ZNF431: variants seen among roughly 807,000 people sequenced by gnomAD.
The protein encoded by ZNF431 is zinc finger protein 431.
Under a neutral mutation model 57.0 loss-of-function variants are expected in ZNF431, and 34 were observed. The ratio of observed to expected loss-of-function variants is 0.60; its 90% CI spans 0.45 to 0.79. The LOEUF (loss-of-function observed/expected upper bound fraction) is 0.79. Ranked by LOEUF, ZNF431 falls within the 30% of genes least tolerant of loss-of-function variation. ZNF431 has a pLI of 0.00. For synonymous variants in ZNF431, 207 were observed against 220.3 expected, an observed-to-expected ratio of 0.94 and a Z score of 0.54; for missense variants, 607 against 667.1, an observed-to-expected ratio of 0.91 and a Z score of 0.99.
Position 21,142,100 on chromosome 19 carries a change from A to C in ZNF431, c.-84A>C. 1.9e-6 allele frequency: 3 copies of C among 1,577,226 alleles called. No homozygotes were observed. Among genetic ancestry groups the C allele is most frequent in the Non-Finnish European group, 2.6e-6 (3 of 1,149,022 alleles). On this transcript the variant is annotated 5_prime_UTR_variant, in exon 1 of 5. Coordinates refer to ENST00000311048, the MANE Select transcript of ZNF431 (RefSeq NM_133473.4). ...TCGCTGCTCTGTGTCCTCTGCTCCT[A>C]GAGGCCCAACATCTGTGGCCCTGTG...
At chr19:21,150,124 C>A in intron 2 of ZNF431, 1 of 634,704 alleles carries the variant, frequency 1.6e-6, no homozygotes, top group Admixed American at 2.0e-5. Context: ...TCTCCTCTTG[C>A]TTTGTCTCTG....
rs1971393156 is a variant in ZNF431, at chr19:21,187,191, AAG to A, written c.*3161_*3162del. 1 of 152,132 alleles carries A rather than the reference AAG, an allele frequency of 6.6e-6. No homozygotes were observed. Among genetic ancestry groups the A allele is most frequent in the Admixed American group, 6.5e-5 (1 of 15,276 alleles). The allele number at this position is 152,132 out of a possible 1,614,324, so 9.4% of individuals were successfully genotyped here. ...GTAAAACTGAATCTTGTTGAATTTA[AAG>A]AGAAATTCTGGCAGAGGCAGATGAA... On this transcript the variant is annotated 3_prime_UTR_variant, in exon 5 of 5. Coordinates refer to ENST00000311048, the MANE Select transcript of ZNF431 (RefSeq NM_133473.4).
chr19:21,175,741 C>T (rs980793694), intron 4 of ZNF431, among the ~76,000 whole-genome samples: 1 of 152,184 alleles, frequency 6.6e-6, no homozygotes, highest in Admixed American at 6.5e-5. Flanking sequence ...TCTGTCTTTG[C>T]AAAGTACATA....
intron 4 of ZNF431, among the ~76,000 whole-genome samples, chr19:21,176,736 C>T (rs183948955): frequency 6.6e-6 from 1 of 152,062 alleles, no homozygotes; most frequent in Admixed American, 6.5e-5. Context: ...CCTGCTCTGT[C>T]ACCCAGGCTG....
chr19:21,158,744 T>C (rs1370574607), intron 2 of ZNF431, among the ~76,000 whole-genome samples: 2 of 152,214 alleles, frequency 1.3e-5, no homozygotes, highest in African/African-American at 4.8e-5. Context: ...GTTTTGAAGA[T>C]ATAGAATCTT....
chr19:21,150,048 G>A, intron 2 of ZNF431: 1 of 609,330 alleles, frequency 1.6e-6, no homozygotes, highest in Non-Finnish European at 3.1e-6. Flanking sequence ...AGGACACGTG[G>A]TCTCTTAATA....
chr19:21,164,757 C>T (rs1970671591), intron 2 of ZNF431, among the ~76,000 whole-genome samples: 1 of 151,898 alleles, frequency 6.6e-6, no homozygotes, highest in Non-Finnish European at 1.5e-5. Context: ...TTTTTCCTCC[C>T]CAGTGAGTTT....
At chr19:21,165,092 C>CAAA (rs58552017) in intron 2 of ZNF431, among the ~76,000 whole-genome samples, 2 of 132,922 alleles carry the variant, frequency 1.5e-5, no homozygotes, top group African/African-American at 5.6e-5. Context: ...CTGGGCAACT[C>CAAA]AAAAAAAAAA....
At chr19:21,148,422 G>A (rs6511202) in intron 2 of ZNF431, among the ~76,000 whole-genome samples, 117,639 of 152,144 alleles carry the variant, frequency 0.77, 45,901 homozygotes, top group Middle Eastern at 0.87. Flanking sequence ...TTTAAGAGAA[G>A]TCTGTCATTT....
chr19:21,178,194 G>T (rs1259619486), intron 4 of ZNF431, among the ~76,000 whole-genome samples: 4 of 152,178 alleles, frequency 2.6e-5, no homozygotes, highest in African/African-American at 9.7e-5. Flanking sequence ...TGCTGAAGCT[G>T]CTTATTAGAT....
In ZNF431 at chr19:21,194,554, C is replaced by T. The variant is rs188193392; in HGVS notation, c.*10520C>T. 1 of 151,778 alleles carries T rather than the reference C, an allele frequency of 6.6e-6. No individual in the cohort carries two copies. Among genetic ancestry groups the T allele is most frequent in the East Asian group, 1.9e-4 (1 of 5,172 alleles). 9.4% of individuals were successfully genotyped at this position (151,778 alleles called of 1,614,324 possible). A position where few individuals can be genotyped will look rare whatever the true frequency, so the allele number is the denominator to read the frequency against. The stretch of plus-strand genomic sequence containing the variant: ...TGCGATCTTGGCTCACTGTAACCTC[C>T]ACCTCCTGGGTTCAAGTGAGTCTCC... On this transcript the variant is annotated 3_prime_UTR_variant, in exon 5 of 5. Transcript: ENST00000311048.
intron 2 of ZNF431, among the ~76,000 whole-genome samples, chr19:21,153,771 C>T (rs1039217730): frequency 2.6e-5 from 4 of 152,110 alleles, no homozygotes; most frequent in Non-Finnish European, 5.9e-5. Flanking sequence ...GTTTGGAGTG[C>T]AGTGCCGTGA....
At chr19:21,150,064 G>A (rs1970227189) in intron 2 of ZNF431, 2 of 627,192 alleles carry the variant, frequency 3.2e-6, no homozygotes, top group African/African-American at 1.8e-5. Context: ...TAATAAGGAT[G>A]TCCCCTTTGT....
intron 1 of ZNF431, among the ~76,000 whole-genome samples, chr19:21,142,894 T>A (rs1177875204): frequency 6.6e-6 from 1 of 152,172 alleles, no homozygotes; most frequent in Non-Finnish European, 1.5e-5. Flanking sequence ...TGTACGTCAG[T>A]TAGATTTTTT....
At chr19:21,142,691 TGAA>T (rs1163185782) in intron 1 of ZNF431, among the ~76,000 whole-genome samples, 1 of 152,200 alleles carries the variant, frequency 6.6e-6, no homozygotes, top group Non-Finnish European at 1.5e-5. Context: ...GGGCGGGACT[TGAA>T]GAAAAGACTT....
chr19:21,143,176 C>T (rs1374643494), intron 1 of ZNF431, among the ~76,000 whole-genome samples: 1 of 152,050 alleles, frequency 6.6e-6, no homozygotes, highest in Non-Finnish European at 1.5e-5. Context: ...CTTTTCTATA[C>T]CGTATTTTAA....
chr19:21,145,894 T>C (rs1970076030), intron 2 of ZNF431, among the ~76,000 whole-genome samples: 1 of 152,178 alleles, frequency 6.6e-6, no homozygotes, highest in South Asian at 2.1e-4. Context: ...AATCAGATTT[T>C]AGATCAGAGA....
intron 2 of ZNF431, chr19:21,149,710 C>T (rs1970211744): frequency 3.3e-6 from 2 of 604,526 alleles, no homozygotes; most frequent in African/African-American, 3.7e-5. Flanking sequence ...ATCTGAGCCA[C>T]AGACTTGAGA....
Position 21,183,624 on chromosome 19 carries a change from C to G in ZNF431, c.1321C>G (p.Pro441Ala). 2 of 1,587,616 alleles carry G rather than the reference C, an allele frequency of 1.3e-6. No individual in the cohort carries two copies. Among genetic ancestry groups the G allele is most frequent in the Admixed American group, 1.8e-5 (1 of 56,726 alleles). Residue 441 changes from proline (P) to alanine (A), a missense_variant, in exon 5 of 5, where the codon CCA (proline) becomes GCA (alanine). Coordinates refer to ENST00000311048, the MANE Select transcript of ZNF431 (RefSeq NM_133473.4). ...EECGKAFNRS[P>A]QLTAHKIIHT... ...ATGTGGCAAAGCTTTTAACCGGTCC[C>G]CACAACTTACTGCACATAAGATAAT... is the stretch of plus-strand genomic sequence containing the variant.
Sources: allele counts gnomAD v4.1 joint callset (sites outside exome capture counted in the v4.1 genomes callset), GRCh38; gene constraint gnomAD v4.1.1; transcripts MANE v1.5; gene names NCBI Gene and HGNC (gene_info 2026-07-23, HGNC 2026-07-21).